HTR1F: variants seen among roughly 807,000 people sequenced by gnomAD.
The protein encoded by HTR1F is 5-hydroxytryptamine (serotonin) receptor 1F, G protein-coupled.
Under a neutral mutation model 24.0 loss-of-function variants are expected in HTR1F, and 17 were observed. The ratio of observed to expected loss-of-function variants is 0.71; its 90% CI spans 0.48 to 1.06. The LOEUF is 1.06. Ranked by LOEUF, HTR1F falls within the 50% of genes least tolerant of loss-of-function variation. The probability of loss-of-function intolerance (pLI) is 0.00; values close to 1 mark genes in which losing one functional copy is unlikely to be tolerated. For synonymous variants in HTR1F, 186 were observed against 156.8 expected (o/e 1.19, Z -1.39); for missense variants, 391 against 427.8 (o/e 0.91, Z 0.76).
chr3:87,981,355 C>A (rs569849676), intron 2 of HTR1F, among the ~76,000 whole-genome samples: 1 of 152,088 alleles, frequency 6.6e-6, no homozygotes, highest in African/African-American at 2.4e-5. Context: ...CTGCCATACC[C>A]GGCTAATTTT....
At chr3:87,848,055 A>G (rs1224271946) in intron 2 of HTR1F, among the ~76,000 whole-genome samples, 2 of 151,900 alleles carry the variant, frequency 1.3e-5, no homozygotes, top group African/African-American at 4.9e-5. Context: ...ACTGGACTGT[A>G]TAGTAGGCCT....
chr3:87,880,353 T>A (rs1381892558), intron 2 of HTR1F, among the ~76,000 whole-genome samples: 1 of 152,158 alleles, frequency 6.6e-6, no homozygotes, highest in Non-Finnish European at 1.5e-5. Context: ...TTTTTAAAGA[T>A]AATTTTCACC....
At chr3:87,815,484 C>T (rs1038022469) in intron 1 of HTR1F, among the ~76,000 whole-genome samples, 1 of 152,018 alleles carries the variant, frequency 6.6e-6, no homozygotes, top group Non-Finnish European at 1.5e-5. Context: ...TTTGAAGATG[C>T]ATACATTGTA....
intron 2 of HTR1F, among the ~76,000 whole-genome samples, chr3:87,839,798 AT>A (rs1411211187): frequency 6.6e-6 from 1 of 151,898 alleles, no homozygotes; most frequent in Non-Finnish European, 1.5e-5. Flanking sequence ...TGTTGTTCCT[AT>A]TTTTATGACC....
chr3:87,951,399 AAGT>A (rs1704830821), intron 2 of HTR1F, among the ~76,000 whole-genome samples: 1 of 152,154 alleles, frequency 6.6e-6, no homozygotes, highest in African/African-American at 2.4e-5. Flanking sequence ...TAATAAAAAC[AAGT>A]AAAATAAGCA....
At chr3:87,829,967 CT>C (rs1704542824) in intron 2 of HTR1F, among the ~76,000 whole-genome samples, 2 of 151,924 alleles carry the variant, frequency 1.3e-5, no homozygotes, top group Admixed American at 6.6e-5. Flanking sequence ...ATTTTTTATC[CT>C]TAAATAGTCT....
intron 2 of HTR1F, among the ~76,000 whole-genome samples, chr3:87,954,258 C>T (rs570837329): frequency 6.6e-6 from 1 of 151,854 alleles, no homozygotes; most frequent in Admixed American, 6.6e-5. Context: ...AATCACTTGA[C>T]TTGATCATTA....
At position 87,945,859 on chromosome 3, in the gene HTR1F, C is replaced by CGGGG. The variant is rs150282952; in HGVS notation, c.-42-44845_-42-44842dup. On this transcript the variant is annotated intron_variant, in intron 2 of 2. Transcript: ENST00000319595. ...CCCTTCTTGGTCGCCAAAATGTTAC[C>CGGGG]GGGGGGGTCCTTGCTCCCAGAGCTC... Among the ~76,000 whole-genome samples, 380 of 151,840 alleles carry CGGGG rather than the reference C, an allele frequency of 2.5e-3. 1 individual carries two copies. The highest frequency in any genetic ancestry group is 8.0e-3 in the African/African-American group (332 of 41,262).
intron 2 of HTR1F, among the ~76,000 whole-genome samples, chr3:87,943,958 C>A (rs1326502770): frequency 6.6e-6 from 1 of 152,228 alleles, no homozygotes; most frequent in African/African-American, 2.4e-5. Flanking sequence ...GGGATGCCAG[C>A]ACCCCTAGTC....
chr3:87,884,582 A>G (rs1319556335), intron 2 of HTR1F, among the ~76,000 whole-genome samples: 1 of 152,202 alleles, frequency 6.6e-6, no homozygotes, highest in African/African-American at 2.4e-5. Context: ...AAGACTCATC[A>G]CTGTGCTATA....
chr3:87,904,685 G>A (rs1472629384), intron 2 of HTR1F, among the ~76,000 whole-genome samples: 1 of 152,070 alleles, frequency 6.6e-6, no homozygotes, highest in Non-Finnish European at 1.5e-5. Context: ...ACTACTGCAT[G>A]CAACAATATG....
In HTR1F at chr3:87,905,414, C is replaced by G. The variant is rs72913745; in HGVS notation, c.-43+83290C>G. Among the ~76,000 whole-genome samples, 721 of 151,722 alleles carry G rather than the reference C, an allele frequency of 4.8e-3. 2 individuals carry two copies. The highest frequency in any genetic ancestry group is 0.017 in the African/African-American group (688 of 41,474). ...TCCAAATTCTCTACTCAAAACCTGA[C>G]TTTTTTCACTGACATTTTTGCTGCC... On this transcript the variant is annotated intron_variant, in intron 2 of 2. Transcript: ENST00000319595.
chr3:87,907,992 A>C (rs1035394021), intron 2 of HTR1F, among the ~76,000 whole-genome samples: 1 of 152,034 alleles, frequency 6.6e-6, no homozygotes, highest in Non-Finnish European at 1.5e-5. Flanking sequence ...GTTCTAATAA[A>C]TTTGAACTAA....
At position 87,963,704 on chromosome 3, in the gene HTR1F, T is replaced by C. The variant is rs567123902; in HGVS notation, c.-42-27004T>C. On this transcript the variant is annotated intron_variant, in intron 2 of 2. Coordinates refer to ENST00000319595, the MANE Select transcript of HTR1F (RefSeq NM_001322209.2). ...AGCTCTGAGTTTATGATCCCTCAAC[T>C]TCTCAATGGAGGTGAAAGGATTTGA... Among the ~76,000 whole-genome samples the C allele has an allele frequency of 2.0e-5, 3 of 152,272 alleles. No homozygotes were observed. The East Asian group carries it at 5.8e-4, about 29-fold the overall frequency.
intron 2 of HTR1F, among the ~76,000 whole-genome samples, chr3:87,881,034 C>A (rs1705782637): frequency 6.6e-6 from 1 of 152,162 alleles, no homozygotes; most frequent in Admixed American, 6.5e-5. Flanking sequence ...GTGATTTCTG[C>A]ATTTCCAACT....
intron 2 of HTR1F, among the ~76,000 whole-genome samples, chr3:87,952,070 T>A (rs1025676137): frequency 1.3e-5 from 2 of 152,008 alleles, no homozygotes; most frequent in Non-Finnish European, 2.9e-5. Flanking sequence ...ATTGACCTAC[T>A]CAAGGAAATC....
intron 2 of HTR1F, among the ~76,000 whole-genome samples, chr3:87,946,158 T>A (rs997161357): frequency 6.6e-6 from 1 of 152,150 alleles, no homozygotes; most frequent in South Asian, 2.1e-4. Context: ...GGAGCGGCAA[T>A]GGGCGCATCG....
At chr3:87,858,796 G>T (rs1705255437) in intron 2 of HTR1F, among the ~76,000 whole-genome samples, 1 of 152,102 alleles carries the variant, frequency 6.6e-6, no homozygotes, top group African/African-American at 2.4e-5. Context: ...CACATCCTCT[G>T]TAATGGGTCA....
chr3:87,869,629 T>C (rs1318797052), intron 2 of HTR1F, among the ~76,000 whole-genome samples: 1 of 151,912 alleles, frequency 6.6e-6, no homozygotes, highest in Non-Finnish European at 1.5e-5. Flanking sequence ...AACAGCAGAG[T>C]TCTGCTTCAA....
Sources: gnomAD v4.1 joint callset for allele counts (sites outside exome capture counted in the v4.1 genomes callset) on GRCh38, gnomAD v4.1.1 for gene constraint, MANE v1.5 for transcripts, NCBI Gene and HGNC (gene_info 2026-07-23, HGNC 2026-07-21) for gene names.